Variants in SLC35A3 observed in about 807,000 individuals in gnomAD.
SLC35A3 encodes solute carrier family 35 member A3.
SLC35A3 carries 26 observed loss-of-function variants against 39.0 expected under a neutral mutation model. That is an observed-to-expected ratio of 0.67 (90% CI 0.49 to 0.92). The LOEUF (loss-of-function observed/expected upper bound fraction) is 0.92. SLC35A3 is among the 40% of genes least tolerant of loss of function. SLC35A3 has a pLI of 0.00. For missense variants in SLC35A3, 299 were observed against 371.6 expected (o/e 0.80, Z 1.61); for synonymous variants, 135 against 133.1 (o/e 1.01, Z -0.10).
chr1:100,014,085 C>G (rs897180206), intron 5 of SLC35A3, among the ~76,000 whole-genome samples: 12 of 152,190 alleles, frequency 7.9e-5, no homozygotes. Flanking sequence ...AAGACAGTTT[C>G]TGCTGTCACC....
chr1:99,982,626 A>C (rs1657523165), intron 1 of SLC35A3, among the ~76,000 whole-genome samples: 1 of 152,174 alleles, frequency 6.6e-6, no homozygotes, highest in African/African-American at 2.4e-5. Flanking sequence ...AGTGTGTTTG[A>C]AAATCTTTTT....
intron 1 of SLC35A3, chr1:99,970,385 C>T: frequency 1.7e-6 from 1 of 598,326 alleles, no homozygotes; most frequent in Admixed American, 3.0e-5. Context: ...GGACGACGTG[C>T]GGAATGTACT....
At chr1:100,005,793 A>T (rs769315343) in intron 3 of SLC35A3, among the ~76,000 whole-genome samples, 1 of 152,148 alleles carries the variant, frequency 6.6e-6, no homozygotes, top group African/African-American at 2.4e-5. Flanking sequence ...GTATCTCACT[A>T]AACTTTCTAG....
chr1:99,988,356 C>A (rs901386524), intron 1 of SLC35A3, among the ~76,000 whole-genome samples: 19 of 151,672 alleles, frequency 1.3e-4, no homozygotes, highest in Non-Finnish European at 2.1e-4. Context: ...TTTAGTGTGG[C>A]AGTATTTTAT....
intron 1 of SLC35A3, among the ~76,000 whole-genome samples, chr1:99,976,539 T>C (rs992114563): frequency 6.6e-6 from 1 of 152,166 alleles, no homozygotes; most frequent in East Asian, 1.9e-4. Context: ...CTATTCACAA[T>C]AGCAAAGACA....
chr1:100,015,325 T>C lies in SLC35A3; in HGVS notation c.658T>C (p.Leu220=). 2 of 1,609,640 alleles carry C rather than the reference T, an allele frequency of 1.2e-6. No individual in the cohort carries two copies. Among genetic ancestry groups the C allele is most frequent in the East Asian group, 4.5e-5 (2 of 44,666 alleles). The change falls in exon 6 of 8, where the codon TTA becomes CTA. Residue 220 remains leucine, a synonymous_variant. Transcript: ENST00000533028. The part of the protein sequence containing the change: ...QLGFFGSIFG[L]MGVYIYDGEL... Reference sequence around the variant, plus strand: ...AGGTTTCTTTGGAAGTATATTTGGATTAATGGGTGTATACATTTATGATGG... The same window carrying C: ...AGGTTTCTTTGGAAGTATATTTGGACTAATGGGTGTATACATTTATGATGG...
chr1:100,032,141 C>T lies in SLC35A3; in HGVS notation c.*9665C>T, dbSNP rs1407120560. On this transcript the variant is annotated 3_prime_UTR_variant, in exon 8 of 8. Coordinates refer to ENST00000533028, the MANE Select transcript of SLC35A3 (RefSeq NM_012243.3). The stretch of plus-strand genomic sequence containing the variant: ...AATTATTTGGTTAAGATGATGACTA[C>T]CCCATTGTAAAGGTTATTGTAAAGT... 6.6e-6 allele frequency: 1 copy of T among 152,112 alleles called. No homozygotes were observed. Among genetic ancestry groups the T allele is most frequent in the Admixed American group, 6.6e-5 (1 of 15,266 alleles). The allele number at this position is 152,112 out of a possible 1,614,324, so 9.4% of individuals were successfully genotyped here.
rs1335424946 is a variant in SLC35A3, at chr1:100,031,048, A to G, written c.*8572A>G. 6.6e-6 allele frequency: 1 copy of G among 151,992 alleles called. No individual in the cohort carries two copies. Among genetic ancestry groups the G allele is most frequent in the Non-Finnish European group, 1.5e-5 (1 of 67,998 alleles). The allele number at this position is 151,992 out of a possible 1,614,324, so 9.4% of individuals were successfully genotyped here. ...TAATGCCTCAAATTTCCATTATTTC[A>G]TATTATTTTTCTCCATTTCCCTCGT... On this transcript the variant is annotated 3_prime_UTR_variant, in exon 8 of 8. Coordinates refer to ENST00000533028, the MANE Select transcript of SLC35A3 (RefSeq NM_012243.3).
intron 1 of SLC35A3, among the ~76,000 whole-genome samples, chr1:99,989,792 G>A (rs941009831): frequency 8.6e-5 from 13 of 152,044 alleles, no homozygotes; most frequent in African/African-American, 2.9e-4. Context: ...TTGAGGCAGA[G>A]TCTTGCTCTG....
At position 100,029,990 on chromosome 1, in the gene SLC35A3, C is replaced by A. The variant is rs1661134598; in HGVS notation, c.*7514C>A. The A allele has an allele frequency of 6.6e-6, 1 of 152,198 alleles. No individual in the cohort carries two copies. The highest frequency in any genetic ancestry group is 1.9e-4 in the East Asian group (1 of 5,188). The allele number at this position is 152,198 out of a possible 1,614,324, so 9.4% of individuals were successfully genotyped here. A position where few individuals can be genotyped will look rare whatever the true frequency, so the allele number is the denominator to read the frequency against. ...GTTTATAAACCTTTTACCTGTACTG[C>A]ATATTAATAAACAATTTTGAACTAA... is the stretch of plus-strand genomic sequence containing the variant. On this transcript the variant is annotated 3_prime_UTR_variant, in exon 8 of 8. Transcript: ENST00000533028.
chr1:100,004,027 T>C lies in SLC35A3; in HGVS notation c.343-3007T>C, dbSNP rs1488406298. ...CTTTACAGGTGAACTGCATTTCTTGTAGGTAGTGTGTAGTTAACATATGAT... is the reference window on the plus strand; with the variant it reads ...CTTTACAGGTGAACTGCATTTCTTGCAGGTAGTGTGTAGTTAACATATGAT... On this transcript the variant is annotated intron_variant, in intron 3 of 7. Transcript: ENST00000533028. Among the ~76,000 whole-genome samples the C allele has an allele frequency of 2.0e-5, 3 of 152,220 alleles. No homozygotes were observed. The East Asian group carries it at 5.8e-4, about 29-fold the overall frequency.
chr1:99,994,879 A>G (rs1168894933), intron 2 of SLC35A3, among the ~76,000 whole-genome samples: 2 of 152,206 alleles, frequency 1.3e-5, no homozygotes, highest in Non-Finnish European at 2.9e-5. Context: ...AGGAACCATC[A>G]AACTGTTTTT....
chr1:100,016,209 C>G (rs1260069901), intron 6 of SLC35A3, among the ~76,000 whole-genome samples: 2 of 151,524 alleles, frequency 1.3e-5, no homozygotes, highest in African/African-American at 4.9e-5. Flanking sequence ...GGATTACAGG[C>G]ATGTGCCACC....
rs868117247 is a variant in SLC35A3, at chr1:99,981,986, A to G, written c.-18-11551A>G. ...AATACTGATTTTAGGGTTTACCTAC[A>G]CCTACAAGGATGTATTCTTTTTTTT... On this transcript the variant is annotated intron_variant, in intron 1 of 7. Transcript: ENST00000533028. Among the ~76,000 whole-genome samples, 15 of 150,176 alleles carry G rather than the reference A, an allele frequency of 1.0e-4. No individual in the cohort carries two copies. In the East Asian group the frequency reaches 1.8e-3, roughly 18 times the overall value.
intron 3 of SLC35A3, 134 bp from the exon 4 acceptor site, chr1:100,006,900 T>C: frequency 9.8e-7 from 1 of 1,017,262 alleles, no homozygotes; most frequent in South Asian, 1.9e-5. Context: ...ACTGAAGCTT[T>C]AGATTCCAGT....
intron 1 of SLC35A3, chr1:99,970,370 C>G (rs1314210708): frequency 1.7e-6 from 1 of 596,112 alleles, no homozygotes; most frequent in Non-Finnish European, 3.0e-6. Context: ...CGTTGTAACT[C>G]CGACGGACGA....
In SLC35A3 at chr1:100,017,683, C is replaced by T; in HGVS notation, c.755C>T (p.Ala252Val). ...AAAAATATTTTTTTAAAACTTCAGG[C>T]ACTTGGAGGCCTTGTAATAGCTGCT... The part of the protein sequence containing the change: ...RLTWIVVVLQ[A>V]LGGLVIAAVI... Residue 252 changes from alanine (A) to valine (V), a missense_variant and splice_region_variant, in exon 7 of 8, where the codon GCA becomes GTA. Ala to Val is a moderately conservative substitution (Grantham distance 64). Transcript: ENST00000533028. The T allele has an allele frequency of 1.3e-6, 2 of 1,531,036 alleles. No homozygotes were observed. Among genetic ancestry groups the T allele is most frequent in the South Asian group, 1.3e-5 (1 of 78,722 alleles). 94.8% of individuals were successfully genotyped at this position (1,531,036 alleles called of 1,614,324 possible).
chr1:99,977,842 G>T (rs1453216259), intron 1 of SLC35A3, among the ~76,000 whole-genome samples: 1 of 152,126 alleles, frequency 6.6e-6, no homozygotes, highest in Non-Finnish European at 1.5e-5. Context: ...CCTGGCCCTC[G>T]TATGCTTTAA....
intron 1 of SLC35A3, among the ~76,000 whole-genome samples, chr1:99,981,614 G>T (rs1314745892): frequency 6.6e-6 from 1 of 151,986 alleles, no homozygotes; most frequent in Admixed American, 6.6e-5. Context: ...CCGAGTAGCT[G>T]GGATTACAGG....
Sources: allele counts gnomAD v4.1 joint callset (sites outside exome capture counted in the v4.1 genomes callset), GRCh38; gene constraint gnomAD v4.1.1; transcripts MANE v1.5; gene names NCBI Gene and HGNC (gene_info 2026-07-23, HGNC 2026-07-21).